Variants in STXBP2 observed in about 807,000 individuals in gnomAD.
STXBP2 encodes syntaxin-binding protein 2.
Under a neutral mutation model 72.2 loss-of-function variants are expected in STXBP2, and 47 were observed. That is an observed-to-expected ratio of 0.65 (90% CI 0.51 to 0.83). The LOEUF (loss-of-function observed/expected upper bound fraction) is 0.83, where lower values mean the gene tolerates loss of function less well. STXBP2 is among the 40% of genes least tolerant of loss of function. STXBP2 has a pLI of 0.00. For missense variants in STXBP2, 702 were observed against 807.6 expected, an observed-to-expected ratio of 0.87 and a Z score of 1.58; for synonymous variants, 367 against 338.7, an observed-to-expected ratio of 1.08 and a Z score of -0.92.
upstream of STXBP2, chr19:7,632,514 C>T: frequency 1.2e-6 from 2 of 1,613,088 alleles, no homozygotes; most frequent in Non-Finnish European, 1.7e-6. The surrounding 1 kb of genome is among the most constrained non-coding windows in gnomAD (Gnocchi z 5.2). Context: ...GGTGGGGTCG[C>T]TCTCTGCGTG....
At chr19:7,633,347 T>C, upstream of STXBP2, 3 of 1,336,560 alleles carry the variant, frequency 2.2e-6, no homozygotes, top group Non-Finnish European at 3.1e-6. Flanking sequence ...AAACTAGTCT[T>C]GTCAATCATG....
At chr19:7,641,594 G>T (rs1158052750) in intron 6 of STXBP2, 111 bp from the exon 7 acceptor site, 4 of 1,466,466 alleles carry the variant, frequency 2.7e-6, no homozygotes, top group Non-Finnish European at 3.7e-6. Context: ...GGCAAAGCAG[G>T]CTTCAGGGAC....
Position 7,644,691 on chromosome 19 carries a change from C to G in STXBP2, c.1185C>G (p.Asp395Glu). Reference protein sequence around the residue: ...SMKLIVPVLLDAAVPAYDKIR... With the variant: ...SMKLIVPVLLEAAVPAYDKIR... Reference sequence around the variant, plus strand: ...AGCTGATCGTTCCGGTGCTGCTGGACGCGGCGGTGCCCGCCTACGACAAGA... The same window carrying G: ...AGCTGATCGTTCCGGTGCTGCTGGAGGCGGCGGTGCCCGCCTACGACAAGA... The change falls in exon 14 of 19, where the codon GAC (aspartate) becomes GAG (glutamate). Residue 395 changes from aspartate to glutamate, a missense_variant. Transcript: ENST00000221283. 2 of 1,613,798 alleles carry G rather than the reference C, an allele frequency of 1.2e-6. No homozygotes were observed. The highest frequency in any genetic ancestry group is 1.7e-6 in the Non-Finnish European group (2 of 1,179,862).
intron 17 of STXBP2, 46 bp from the exon 18 acceptor site, chr19:7,647,308 G>A: frequency 6.2e-7 from 1 of 1,611,882 alleles, no homozygotes; most frequent in Non-Finnish European, 8.5e-7. Context: ...CGGCCTGGCG[G>A]CGGTGAGGGC....
chr19:7,634,926 C>G (rs577082555), upstream of STXBP2, among the ~76,000 whole-genome samples: 1 of 152,308 alleles, frequency 6.6e-6, no homozygotes, highest in African/African-American at 2.4e-5. Flanking sequence ...CCCCACCCCC[C>G]CAACCACCTA....
the STXBP2 span, chr19:7,630,759 C>T: frequency 1.7e-5 from 26 of 1,536,324 alleles, no homozygotes; most frequent in Non-Finnish European, 2.2e-5. Flanking sequence ...ATAAGCCGAC[C>T]CTGCCCTGAT....
At chr19:7,638,597 C>T (rs1759131487) in intron 1 of STXBP2, 129 bp from the exon 2 acceptor site, 1 of 968,596 alleles carries the variant, frequency 1.0e-6, no homozygotes, top group South Asian at 1.4e-5. Flanking sequence ...GTGAGATCCT[C>T]CTCTCTTAAA....
intron 13 of STXBP2, among the ~76,000 whole-genome samples, chr19:7,643,613 G>A (rs1433791022): frequency 1.3e-5 from 2 of 151,904 alleles, no homozygotes; most frequent in Non-Finnish European, 2.9e-5. Flanking sequence ...GCCTTGGAGA[G>A]GTGGGACCTG....
intron 4 of STXBP2, 94 bp downstream of exon 4, chr19:7,639,901 T>C (rs2031725865): frequency 7.7e-7 from 1 of 1,304,594 alleles, no homozygotes. Context: ...CATGTGTGCA[T>C]GTGTATACGT....
chr19:7,642,987 A>G lies in STXBP2; in HGVS notation c.965A>G (p.Asn322Ser), dbSNP rs780053387. The part of the protein sequence containing the change: ...ESKRLTTDKA[N>S]IKDLSQILKK... ...CTCTTCCCCCTACTTCCCCAGGCGA[A>G]CATCAAAGACCTATCCCAGATCCTG... The change falls in exon 12 of 19, where the codon AAC (asparagine) becomes AGC (serine). Residue 322 changes from asparagine to serine, a missense_variant. Coordinates refer to ENST00000221283, the MANE Select transcript of STXBP2 (RefSeq NM_006949.4). The surrounding 1 kb of genome is among the most constrained non-coding windows in gnomAD (Gnocchi z 6.0). 6.2e-7 allele frequency: 1 copy of G among 1,614,118 alleles called. No individual in the cohort carries two copies. Among genetic ancestry groups the G allele is most frequent in the Non-Finnish European group, 8.5e-7 (1 of 1,180,028 alleles).
chr19:7,644,859 G>T, intron 14 of STXBP2, 107 bp downstream of exon 14: 1 of 1,562,084 alleles, frequency 6.4e-7, no homozygotes. Context: ...TGCACTCACC[G>T]GGCTCACCAA....
chr19:7,640,543 CGTGCGTGCATCTGTGTGT>C (rs2031821106), intron 4 of STXBP2, 170 bp from the exon 5 acceptor site: 1 of 701,626 alleles, frequency 1.4e-6, no homozygotes, highest in Non-Finnish European at 2.6e-6. Context: ...TGTGTGTGTG[CGTGCGTGCATCTGTGTGT>C]GTGCGCGTGT....
At chr19:7,631,347 A>T in the STXBP2 span, 2 of 1,382,010 alleles carry the variant, frequency 1.4e-6, no homozygotes, top group Non-Finnish European at 1.9e-6. Flanking sequence ...CTTCCAGTGA[A>T]GACACTGAAC....
At chr19:7,630,608 C>G in the STXBP2 span, 1 of 1,537,196 alleles carries the variant, frequency 6.5e-7, no homozygotes, top group Non-Finnish European at 8.7e-7. Flanking sequence ...TGGCTATGTT[C>G]TGGGTTTCCA....
rs566081369 is a variant in STXBP2 at position 7,646,161 on chromosome 19, C to T, written c.1357-88C>T. On this transcript the variant is annotated intron_variant, in intron 15 of 18. Coordinates refer to ENST00000221283, the MANE Select transcript of STXBP2 (RefSeq NM_006949.4). ...TTCCCCATCTTTGCCTGCCATCCCCCACCCTACCAGCCACACCAGGCGCAG... is the reference window on the plus strand; with the variant it reads ...TTCCCCATCTTTGCCTGCCATCCCCTACCCTACCAGCCACACCAGGCGCAG... 223 of 1,118,858 alleles carry T rather than the reference C, an allele frequency of 2.0e-4. 1 individual carries two copies. In the African/African-American group the frequency reaches 2.6e-3, roughly 13 times the overall value. The allele number at this position is 1,118,858 out of a possible 1,614,324, so 69.3% of individuals were successfully genotyped here.
chr19:7,647,103 C>T lies in STXBP2; in HGVS notation c.1453-59C>T, dbSNP rs2032165073. 5 of 1,583,794 alleles carry T rather than the reference C, an allele frequency of 3.2e-6. No homozygotes were observed. The East Asian group carries it at 1.1e-4, about 35-fold the overall frequency. Reference sequence around the variant, plus strand: ...GCCCCTGAATACCCCGTGGGGGGCACTCCTGACCCCGGACCCCATGCCTGG... The same window carrying T: ...GCCCCTGAATACCCCGTGGGGGGCATTCCTGACCCCGGACCCCATGCCTGG... On this transcript the variant is annotated intron_variant, in intron 16 of 18. Coordinates refer to ENST00000221283, the MANE Select transcript of STXBP2 (RefSeq NM_006949.4).
At chr19:7,643,320 A>T in intron 13 of STXBP2, 75 bp downstream of exon 13, 1 of 1,198,894 alleles carries the variant, frequency 8.3e-7, no homozygotes, top group Non-Finnish European at 1.2e-6. Flanking sequence ...TGAACTGTAG[A>T]GATGGGGGGT....
chr19:7,638,653 A>T, intron 1 of STXBP2, 73 bp from the exon 2 acceptor site: 1 of 1,525,052 alleles, frequency 6.6e-7, no homozygotes, highest in South Asian at 1.1e-5. Flanking sequence ...TTCAGCCCCA[A>T]GGCTGAGAAG....
the STXBP2 span, chr19:7,631,011 C>A: frequency 1.1e-6 from 1 of 912,618 alleles, no homozygotes; most frequent in Non-Finnish European, 1.7e-6. Flanking sequence ...GAGTTCAAAA[C>A]CAGCCTGGCC....
Sources: gnomAD v4.1 joint callset for allele counts (sites outside exome capture counted in the v4.1 genomes callset) on GRCh38, gnomAD v4.1.1 for gene constraint, Gnocchi (gnomAD v3.1) non-coding constraint, MANE v1.5 for transcripts, NCBI Gene and HGNC (gene_info 2026-07-23, HGNC 2026-07-21) for gene names.